The following PLXND1 variants were observed in gnomAD, a reference collection of about 807,000 sequenced individuals.
The protein encoded by PLXND1 is plexin D1.
Under a neutral mutation model 197.7 loss-of-function variants are expected in PLXND1, and 54 were observed. That is an observed-to-expected ratio of 0.27 (90% CI 0.22 to 0.34). The LOEUF (loss-of-function observed/expected upper bound fraction) is 0.34. PLXND1 is among the 10% of genes least tolerant of loss of function. The pLI is 1.00. For missense variants in PLXND1, 2,127 were observed against 2,699.2 expected, an observed-to-expected ratio of 0.79 and a Z score of 4.70; for synonymous variants, 1,180 against 1,161.2, an observed-to-expected ratio of 1.02 and a Z score of -0.33.
At position 129,606,416 on chromosome 3, in the gene PLXND1, G is replaced by A. The variant is rs1401198801; in HGVS notation, c.224C>T (p.Ala75Val). 1.4e-6 allele frequency: 2 copies of A among 1,473,740 alleles called. No homozygotes were observed. The highest frequency in any genetic ancestry group is 2.4e-5 in the Admixed American group (1 of 41,106). 91.3% of individuals were successfully genotyped at this position (1,473,740 alleles called of 1,614,324 possible). The change falls in exon 1 of 36, where the codon GCC becomes GTC. Residue 75 changes from alanine (A) to valine (V), a missense_variant. By Grantham distance (64) the Ala-to-Val change is moderately conservative. Coordinates refer to ENST00000324093, the MANE Select transcript of PLXND1 (RefSeq NM_015103.3). ...DGAAGTVYLA[A>V]VNRLYQLSGA... Reference sequence around the variant, plus strand: ...CGACAGCTGATAGAGGCGGTTGACGGCCGCCAGGTACACGGTCCCCGCCGC... The same window carrying A: ...CGACAGCTGATAGAGGCGGTTGACGACCGCCAGGTACACGGTCCCCGCCGC...
Position 129,558,325 on chromosome 3 carries a change from A to G in PLXND1, c.5445+103T>C. On this transcript the variant is annotated intron_variant, in intron 33 of 35. Coordinates refer to ENST00000324093, the MANE Select transcript of PLXND1 (RefSeq NM_015103.3). The surrounding 1 kb of genome is among the most constrained non-coding windows in gnomAD (Gnocchi z 4.1). ...GAGATCTTTTGGTTCCCCTCCCAGG[A>G]AGATCTCTGAGCTCAGCCTCAGAGA... 1 of 1,148,914 alleles carries G rather than the reference A, an allele frequency of 8.7e-7. No homozygotes were observed. 71.2% of individuals were successfully genotyped at this position (1,148,914 alleles called of 1,614,324 possible).
intron 29 of PLXND1, 175 bp from the exon 30 acceptor site, chr3:129,560,898 C>T (rs1038562888): frequency 6.6e-5 from 45 of 686,770 alleles, no homozygotes; most frequent in Non-Finnish European, 1.1e-4. Flanking sequence ...TCCAAAGAGA[C>T]AGTCAGAGAG....
Position 129,558,665 on chromosome 3 carries a change from C to T in PLXND1, c.5298-90G>A. ...GTGGAGGAGAGAGCTGGCTTTGTCC[C>T]TCAAGGGCCTGAGGTTGGAGCCTTG... On this transcript the variant is annotated intron_variant, in intron 32 of 35. Transcript: ENST00000324093. The surrounding 1 kb of genome is among the most constrained non-coding windows in gnomAD (Gnocchi z 4.1). 7.7e-7 allele frequency: 1 copy of T among 1,292,414 alleles called. No individual in the cohort carries two copies. The allele number at this position is 1,292,414 out of a possible 1,614,324, so 80.1% of individuals were successfully genotyped here.
chr3:129,569,720 C>G lies in PLXND1; in HGVS notation c.3865+123G>C. 4.6e-6 allele frequency: 3 copies of G among 658,802 alleles called. No individual in the cohort carries two copies. The South Asian group carries it at 5.2e-5, about 11-fold the overall frequency. The allele number at this position is 658,802 out of a possible 1,614,324, so 40.8% of individuals were successfully genotyped here. A position where few individuals can be genotyped will look rare whatever the true frequency, so the allele number is the denominator to read the frequency against. Reference sequence around the variant, plus strand: ...CTGGGTGCCTAACCTGTTCCCATGGCCAAGCCTTTGTTCAAGCTGTGCCCC... The same window carrying G: ...CTGGGTGCCTAACCTGTTCCCATGGGCAAGCCTTTGTTCAAGCTGTGCCCC... On this transcript the variant is annotated intron_variant, in intron 20 of 35. Coordinates refer to ENST00000324093, the MANE Select transcript of PLXND1 (RefSeq NM_015103.3).
At chr3:129,566,256 T>C in intron 23 of PLXND1, 1 of 596,708 alleles carries the variant, frequency 1.7e-6, no homozygotes, top group Non-Finnish European at 3.0e-6. Flanking sequence ...TGGAGGACTC[T>C]CACCTTCCAT....
chr3:129,571,451 G>T (rs113068547), intron 17 of PLXND1, 58 bp downstream of exon 17: 14 of 1,553,744 alleles, frequency 9.0e-6, no homozygotes, highest in African/African-American at 6.8e-5. Flanking sequence ...TGGTCAGTTA[G>T]GGCCCTGGCT....
rs2108791218 is a variant in PLXND1 at position 129,586,050 on chromosome 3, T to C, written c.1753A>G (p.Ser585Gly). The part of the protein sequence containing the change: ...CTLQQDCTNS[S>G]QQHFWTSASE... ...GCACTGGTCCAGAAATGCTGCTGGCTGGAATTGGTGCAGTCCTGCTGCAAG... is the reference window on the plus strand; with the variant it reads ...GCACTGGTCCAGAAATGCTGCTGGCCGGAATTGGTGCAGTCCTGCTGCAAG... Residue 585 changes from serine to glycine, a missense_variant, in exon 5 of 36, where the codon AGC becomes GGC. Ser to Gly is a moderately conservative substitution (Grantham distance 56, BLOSUM62 0). Transcript: ENST00000324093. The C allele has an allele frequency of 6.2e-7, 1 of 1,613,950 alleles. No homozygotes were observed. Among genetic ancestry groups the C allele is most frequent in the Non-Finnish European group, 8.5e-7 (1 of 1,180,002 alleles).
chr3:129,578,274 C>T (rs576448770), intron 9 of PLXND1, 55 bp downstream of exon 9: 144 of 1,096,642 alleles, frequency 1.3e-4, no homozygotes, highest in Middle Eastern at 1.0e-3. Context: ...TAGTGGCCTG[C>T]GTGCTCCCCG....
At chr3:129,565,052 G>A (rs184979405) in intron 25 of PLXND1, among the ~76,000 whole-genome samples, 2 of 152,364 alleles carry the variant, frequency 1.3e-5, no homozygotes, top group African/African-American at 4.8e-5. Flanking sequence ...GAGCAGGGAA[G>A]GGTGGATGAC....
rs757891693 is a variant in PLXND1 at position 129,555,331 on chromosome 3, C to T, written c.*981G>A. The T allele has an allele frequency of 2.1e-5, 12 of 580,084 alleles. No homozygotes were observed. Among genetic ancestry groups the T allele is most frequent in the South Asian group, 4.2e-5 (2 of 48,154 alleles). 35.9% of individuals were successfully genotyped at this position (580,084 alleles called of 1,614,324 possible). On this transcript the variant is annotated 3_prime_UTR_variant, in exon 36 of 36. Transcript: ENST00000324093. ...CTGGCTGAGTTGGCTGCGAGGGGCCCGCATGGCCCATCGGCCACAGAGGGT... is the reference window on the plus strand; with the variant it reads ...CTGGCTGAGTTGGCTGCGAGGGGCCTGCATGGCCCATCGGCCACAGAGGGT...
chr3:129,571,274 G>C lies in PLXND1; in HGVS notation c.3366C>G (p.Ile1122Met). 1 of 1,613,650 alleles carries C rather than the reference G, an allele frequency of 6.2e-7. No individual in the cohort carries two copies. The highest frequency in any genetic ancestry group is 8.5e-7 in the Non-Finnish European group (1 of 1,179,796). Reference sequence around the variant, plus strand: ...TCAGGGCCCCGGGGGACGGGCAGGTGATGAGGGTGGAGTTGAGAACCTTGC... The same window carrying C: ...TCAGGGCCCCGGGGGACGGGCAGGTCATGAGGGTGGAGTTGAGAACCTTGC... Reference protein sequence around the residue: ...TLCKVLNSTLITCPSPGALSN... With the variant: ...TLCKVLNSTLMTCPSPGALSN... The change falls in exon 18 of 36, where the codon ATC becomes ATG. Residue 1122 changes from isoleucine to methionine, a missense_variant. Physicochemically the swap from Ile to Met is conservative, Grantham distance 10 (BLOSUM62 1). Around this residue, in one of 6 missense-constraint regions of PLXND1, gnomAD observed 532 missense variants for 811.0 expected, o/e 0.66. Transcript: ENST00000324093.
intron 24 of PLXND1, 125 bp downstream of exon 24, chr3:129,565,762 G>T: frequency 9.2e-7 from 1 of 1,088,482 alleles, no homozygotes; most frequent in Non-Finnish European, 1.3e-6. Context: ...TGGGCATCCC[G>T]GCCCAGGAAG....
Position 129,555,428 on chromosome 3 carries a change from T to C in PLXND1, c.*884A>G. 1.5e-6 allele frequency: 1 copy of C among 663,770 alleles called. No homozygotes were observed. Among genetic ancestry groups the C allele is most frequent in the African/African-American group, 1.8e-5 (1 of 54,280 alleles). 41.1% of individuals were successfully genotyped at this position (663,770 alleles called of 1,614,324 possible). A position where few individuals can be genotyped will look rare whatever the true frequency, so the allele number is the denominator to read the frequency against. ...CGCTCTGCCAGGTCTGCCCGCTCTC[T>C]GGAACAGTCATTTCCAGTGTTGCAT... On this transcript the variant is annotated 3_prime_UTR_variant, in exon 36 of 36. Transcript: ENST00000324093.
At chr3:129,561,161 G>C (rs2108764475) in intron 29 of PLXND1, 1 of 465,906 alleles carries the variant, frequency 2.1e-6, no homozygotes, top group East Asian at 6.7e-5. Context: ...CCACCCCTGA[G>C]CCCAGAGCTC....
In PLXND1 at chr3:129,562,952, GGA is replaced by G. The variant is rs2085083364; in HGVS notation, c.4669-11_4669-10del. The G allele has an allele frequency of 1.2e-6, 2 of 1,602,356 alleles. No homozygotes were observed. The highest frequency in any genetic ancestry group is 2.2e-5 in the South Asian group (2 of 90,872). On this transcript the variant is annotated splice_polypyrimidine_tract_variant and intron_variant, in intron 26 of 35. Transcript: ENST00000324093. ...AAGGACACGTTCAGGTTCTGCAGGG[GGA>G]GAGTGGGAGAGAAAGGTCAGTGAGT... is the stretch of plus-strand genomic sequence containing the variant.
At chr3:129,565,029 T>C (rs1412192671) in intron 25 of PLXND1, among the ~76,000 whole-genome samples, 1 of 152,162 alleles carries the variant, frequency 6.6e-6, no homozygotes, top group Non-Finnish European at 1.5e-5. Context: ...GCTGATTTCA[T>C]CTCCTGAATC....
chr3:129,578,464 C>A (rs1337545363), intron 8 of PLXND1, 31 bp from the exon 9 acceptor site: 3 of 1,374,048 alleles, frequency 2.2e-6, no homozygotes, highest in Non-Finnish European at 3.0e-6. Context: ...GAGGGTGACA[C>A]AGGGGCATTT....
At chr3:129,564,531 T>C (rs1252401101) in intron 25 of PLXND1, among the ~76,000 whole-genome samples, 1 of 152,236 alleles carries the variant, frequency 6.6e-6, no homozygotes, top group Non-Finnish European at 1.5e-5. Flanking sequence ...GGTTCTGGGC[T>C]CCAGGCAGGC....
chr3:129,600,891 C>T (rs1576283919), intron 1 of PLXND1, among the ~76,000 whole-genome samples: 2 of 152,178 alleles, frequency 1.3e-5, no homozygotes, highest in African/African-American at 4.8e-5. Context: ...TTAAAACTGC[C>T]TGATGGTTTT....
Sources: allele counts gnomAD v4.1 joint callset (sites outside exome capture counted in the v4.1 genomes callset), GRCh38; gene constraint gnomAD v4.1.1; regional missense constraint gnomAD v4.1.1; non-coding constraint Gnocchi (gnomAD v3.1); transcripts MANE v1.5; gene names NCBI Gene and HGNC (gene_info 2026-07-23, HGNC 2026-07-21).